CACNA2D1: variants seen among roughly 807,000 people sequenced by gnomAD.
The protein encoded by CACNA2D1 is voltage-dependent calcium channel subunit alpha-2/delta-1.
Under a neutral mutation model 171.5 loss-of-function variants are expected in CACNA2D1, and 53 were observed. The ratio of observed to expected loss-of-function variants is 0.31; its 90% CI spans 0.25 to 0.39. CACNA2D1 has a LOEUF of 0.39. Among genes scored for constraint, CACNA2D1 ranks in the 10% least tolerant of loss-of-function variants. CACNA2D1 has a pLI of 1.00. For synonymous variants in CACNA2D1, 442 were observed against 443.1 expected, an observed-to-expected ratio of 1.00 and a Z score of 0.03; for missense variants, 903 against 1,299.8, an observed-to-expected ratio of 0.69 and a Z score of 4.69.
intron 3 of CACNA2D1, among the ~76,000 whole-genome samples, chr7:82,179,886 CTTAAAA>C (rs1326449917): frequency 6.6e-6 from 1 of 151,214 alleles, no homozygotes; most frequent in Admixed American, 6.6e-5. Context: ...AAACTGAATT[CTTAAAA>C]TTATCACCAA....
intron 10 of CACNA2D1, among the ~76,000 whole-genome samples, chr7:82,042,956 G>T (rs1481896215): frequency 6.6e-6 from 1 of 152,072 alleles, no homozygotes; most frequent in Non-Finnish European, 1.5e-5. Flanking sequence ...AGCCCACATG[G>T]CCAGAGAATA....
chr7:82,096,715 G>GT (rs1309081320), intron 6 of CACNA2D1, among the ~76,000 whole-genome samples: 3 of 149,928 alleles, frequency 2.0e-5, no homozygotes. Context: ...AACAGATACA[G>GT]ATGGCACAAA....
chr7:82,393,275 T>C lies in CACNA2D1; in HGVS notation c.96-43626A>G, dbSNP rs531629194. ...AGTTTAATGAAGTAACAGAAATGAATTTCATCTTGCAATAGGGAAACATTG... is the reference window on the plus strand; with the variant it reads ...AGTTTAATGAAGTAACAGAAATGAACTTCATCTTGCAATAGGGAAACATTG... On this transcript the variant is annotated intron_variant, in intron 1 of 38. Coordinates refer to ENST00000356860, the MANE Select transcript of CACNA2D1 (RefSeq NM_000722.4). Among the ~76,000 whole-genome samples the C allele has an allele frequency of 2.6e-5, 4 of 152,182 alleles. No individual in the cohort carries two copies. In the East Asian group the frequency reaches 7.7e-4, roughly 29 times the overall value.
intron 1 of CACNA2D1, among the ~76,000 whole-genome samples, chr7:82,394,139 G>C (rs1825513869): frequency 6.6e-6 from 1 of 152,138 alleles, no homozygotes; most frequent in Non-Finnish European, 1.5e-5. Context: ...ATTAACTCTA[G>C]GTTGAAAATG....
At chr7:81,985,569 G>T (rs781381299) in intron 21 of CACNA2D1, among the ~76,000 whole-genome samples, 19 of 152,028 alleles carry the variant, frequency 1.2e-4, no homozygotes, top group Non-Finnish European at 2.5e-4. Flanking sequence ...TAATCCTTGG[G>T]CAAGTTCTCT....
rs540860889 is a variant in CACNA2D1 at position 81,974,854 on chromosome 7, C to G, written c.1956-302G>C. On this transcript the variant is annotated intron_variant, in intron 24 of 38. Transcript: ENST00000356860. Reference sequence around the variant, plus strand: ...TAGGAGTCTCATATAGCAATTAAAACAGAAATCTTGGGGCATCGGGGGCAA... The same window carrying G: ...TAGGAGTCTCATATAGCAATTAAAAGAGAAATCTTGGGGCATCGGGGGCAA... Among the ~76,000 whole-genome samples the G allele has an allele frequency of 2.0e-5, 3 of 151,818 alleles. No individual in the cohort carries two copies. In the South Asian group the frequency reaches 6.2e-4, roughly 32 times the overall value.
chr7:82,199,215 T>A (rs2129201872), intron 3 of CACNA2D1, among the ~76,000 whole-genome samples: 1 of 152,284 alleles, frequency 6.6e-6, no homozygotes, highest in South Asian at 2.1e-4. Flanking sequence ...CTGAGTTAAT[T>A]ACATATTGAC....
intron 11 of CACNA2D1, among the ~76,000 whole-genome samples, chr7:82,037,137 T>C (rs1487387276): frequency 6.6e-6 from 1 of 152,048 alleles, no homozygotes; most frequent in Admixed American, 6.6e-5. Context: ...TAACTCAAAG[T>C]GAAATAGAGG....
At chr7:82,268,810 T>C in intron 3 of CACNA2D1, among the ~76,000 whole-genome samples, 1 of 151,178 alleles carries the variant, frequency 6.6e-6, no homozygotes, top group Admixed American at 6.6e-5. Context: ...CCAAAAAGCC[T>C]GCTAAATAGC....
At chr7:82,053,132 T>G (rs190805497) in intron 10 of CACNA2D1, among the ~76,000 whole-genome samples, 1,546 of 151,518 alleles carry the variant, frequency 0.01, 29 homozygotes, top group African/African-American at 0.035. Flanking sequence ...GGTGCCTGTA[T>G]TCCCAGCTAC....
intron 3 of CACNA2D1, among the ~76,000 whole-genome samples, chr7:82,271,812 G>A (rs78957096): frequency 6.6e-6 from 1 of 151,478 alleles, no homozygotes; most frequent in Admixed American, 6.6e-5. Flanking sequence ...TTCCTGAATC[G>A]ATTTCAACTT....
chr7:82,234,158 C>T (rs1803273868), intron 3 of CACNA2D1, among the ~76,000 whole-genome samples: 1 of 151,988 alleles, frequency 6.6e-6, no homozygotes. Context: ...ATTTACATTT[C>T]TCTGAAATGG....
chr7:81,954,205 T>C (rs917631412), intron 38 of CACNA2D1, among the ~76,000 whole-genome samples: 1 of 152,080 alleles, frequency 6.6e-6, no homozygotes, highest in African/African-American at 2.4e-5. Context: ...CCAGATATAA[T>C]AAATCGGTCT....
At chr7:82,353,263 T>C (rs28712727) in intron 1 of CACNA2D1, among the ~76,000 whole-genome samples, 13,385 of 152,004 alleles carry the variant, frequency 0.088, 1,963 homozygotes, top group African/African-American at 0.3. Flanking sequence ...TCATGCACTG[T>C]TGGATATAGA....
intron 3 of CACNA2D1, among the ~76,000 whole-genome samples, chr7:82,318,145 T>C (rs1364596787): frequency 6.6e-6 from 1 of 152,168 alleles, no homozygotes; most frequent in Non-Finnish European, 1.5e-5. Flanking sequence ...CTACAACCTA[T>C]GCTTTAGAAG....
intron 3 of CACNA2D1, among the ~76,000 whole-genome samples, chr7:82,224,568 C>T (rs867340174): frequency 1.3e-5 from 2 of 151,744 alleles, no homozygotes; most frequent in Non-Finnish European, 2.9e-5. Context: ...GGCAACACAG[C>T]GAGACTCCGA....
intron 3 of CACNA2D1, among the ~76,000 whole-genome samples, chr7:82,262,283 A>AT (rs1214600260): frequency 6.6e-6 from 1 of 152,204 alleles, no homozygotes; most frequent in African/African-American, 2.4e-5. Flanking sequence ...GTGAGCCGAG[A>AT]TGGTGCCACT....
chr7:82,410,966 A>G (rs1264246681), intron 1 of CACNA2D1, among the ~76,000 whole-genome samples: 1 of 152,160 alleles, frequency 6.6e-6, no homozygotes, highest in Non-Finnish European at 1.5e-5. Flanking sequence ...TCATTTGCCT[A>G]TTTCACTTTG....
Position 82,299,705 on chromosome 7 carries a change from A to G in CACNA2D1, c.294+35430T>C, listed in dbSNP as rs1812768623. On this transcript the variant is annotated intron_variant, in intron 3 of 38. Transcript: ENST00000356860. ...GATGAGAGTAGAATGCATAATTTCA[A>G]AGTGTCTTCACTTCACTATCACATC... Among the ~76,000 whole-genome samples the G allele has an allele frequency of 9.2e-5, 14 of 152,228 alleles. No individual in the cohort carries two copies. In the South Asian group the frequency reaches 2.9e-3, roughly 32 times the overall value.
Sources: gnomAD v4.1 joint callset for allele counts (sites outside exome capture counted in the v4.1 genomes callset) on GRCh38, gnomAD v4.1.1 for gene constraint, MANE v1.5 for transcripts, NCBI Gene and HGNC (gene_info 2026-07-23, HGNC 2026-07-21) for gene names.